Variants in ADCY10 observed in about 807,000 individuals in gnomAD.
ADCY10 encodes the protein adenylate cyclase type 10.
A neutral mutation model predicts 183.3 loss-of-function variants in ADCY10; 156 were observed. The observed-to-expected ratio is 0.85, with a 90% CI of 0.75 to 0.97. The LOEUF is 0.97. ADCY10 is among the 50% of genes least tolerant of loss of function. ADCY10 has a pLI of 0.00. For missense variants in ADCY10, 1,745 were observed against 1,934.3 expected (o/e 0.90, Z 1.84); for synonymous variants, 645 against 670.0 (o/e 0.96, Z 0.58).
In ADCY10 at chr1:167,870,350, C is replaced by T; in HGVS notation, c.1523G>A (p.Ser508Asn). ...TCCCTCATACATTAAGACTTGGCTG[C>T]TGTTAGATATCAAAAATTTCTTCAT... ...YTMKKFLISN[S>N]SQVLMYEGLP... Residue 508 changes from serine (S) to asparagine (N), a missense_variant, in exon 14 of 33, where the codon AGC (serine) becomes AAC (asparagine). By Grantham distance (46) the Ser-to-Asn change is conservative. Coordinates refer to ENST00000367851, the MANE Select transcript of ADCY10 (RefSeq NM_018417.6). 1.2e-6 allele frequency: 2 copies of T among 1,613,570 alleles called. No homozygotes were observed. The highest frequency in any genetic ancestry group is 1.7e-6 in the Non-Finnish European group (2 of 1,179,614).
intron 16 of ADCY10, among the ~76,000 whole-genome samples, chr1:167,859,493 T>C (rs886902025): frequency 2.2e-4 from 33 of 152,316 alleles, no homozygotes; most frequent in South Asian, 6.2e-4. Context: ...CAAACCTCAG[T>C]GGTCTGACGA....
Position 167,913,975 on chromosome 1 carries a change from C to G in ADCY10, c.-59+1G>C, listed in dbSNP as rs909356933. 1 of 152,368 alleles carries G rather than the reference C, an allele frequency of 6.6e-6. No homozygotes were observed. The highest frequency in any genetic ancestry group is 1.5e-5 in the Non-Finnish European group (1 of 68,156). The allele number at this position is 152,368 out of a possible 1,614,324, so 9.4% of individuals were successfully genotyped here. A position where few individuals can be genotyped will look rare whatever the true frequency, so the allele number is the denominator to read the frequency against. ...CTGCTGAGACTCTTACTTCCACATA[C>G]CTCCACTTCATCCAGGGCTGAGGAA... On this transcript the variant is annotated splice_donor_variant, in intron 1 of 32. Transcript: ENST00000367851. LOFTEE classifies it low-confidence loss of function (5UTR_SPLICE).
chr1:167,878,539 G>A lies in ADCY10; in HGVS notation c.1313C>T (p.Pro438Leu), dbSNP rs970310016. 1.2e-6 allele frequency: 2 copies of A among 1,614,144 alleles called. No homozygotes were observed. The highest frequency in any genetic ancestry group is 1.7e-6 in the Non-Finnish European group (2 of 1,180,032). ...DSVTYNGSNL[P>L]AYFFKELPKK... ...TGGAAGCTCTTTAAAAAAGTACGCT[G>A]GTAGGTTGCTCCCATTGTAGGTGAC... The change falls in exon 12 of 33, where the codon CCA (proline) becomes CTA (leucine). Residue 438 changes from proline to leucine, a missense_variant. Physicochemically the swap from Pro to Leu is moderately conservative, Grantham distance 98. Coordinates refer to ENST00000367851, the MANE Select transcript of ADCY10 (RefSeq NM_018417.6).
Position 167,859,800 on chromosome 1 carries a change from C to T in ADCY10, c.1896+7G>A. On this transcript the variant is annotated splice_region_variant and intron_variant, in intron 16 of 32. Transcript: ENST00000367851. ...CCCCCTACTTCTTGACCCACAGATG[C>T]TCTTACCAGCTTCAAGATCTTCATA... 2 of 1,609,286 alleles carry T rather than the reference C, an allele frequency of 1.2e-6. No individual in the cohort carries two copies. Among genetic ancestry groups the T allele is most frequent in the Non-Finnish European group, 1.7e-6 (2 of 1,175,618 alleles).
chr1:167,878,712 C>A, intron 11 of ADCY10, 77 bp from the exon 12 acceptor site: 1 of 1,447,184 alleles, frequency 6.9e-7, no homozygotes, highest in African/African-American at 1.4e-5. Flanking sequence ...ACATTGTCCC[C>A]AAATAGCATT....
In ADCY10 at chr1:167,903,909, G is replaced by C; in HGVS notation, c.231C>G (p.Tyr77Ter). The change falls in exon 3 of 33, where the codon TAC becomes TAG. Residue 77 changes from tyrosine to a stop codon, truncating the protein, a stop_gained. Coordinates refer to ENST00000367851, the MANE Select transcript of ADCY10 (RefSeq NM_018417.6). LOFTEE classifies it high-confidence loss of function. ...TACTCTCCACTATTGCACTTATGTG[G>C]TAGTTGAGGATCTCCACCAACTGCT... is the stretch of plus-strand genomic sequence containing the variant. Reference protein sequence around the residue: ...GAEQLVEILNYHISAIVEKVL... With the variant: ...GAEQLVEILN The C allele has an allele frequency of 6.2e-7, 1 of 1,612,692 alleles. No individual in the cohort carries two copies. Among genetic ancestry groups the C allele is most frequent in the East Asian group, 2.2e-5 (1 of 44,872 alleles).
At chr1:167,815,907 C>T (rs970801349) in intron 31 of ADCY10, among the ~76,000 whole-genome samples, 11 of 151,838 alleles carry the variant, frequency 7.2e-5, no homozygotes, top group African/African-American at 2.2e-4. Context: ...GTAGACAGGA[C>T]CCCGCTGAGG....
At chr1:167,810,989 T>C (rs1401976727) in intron 31 of ADCY10, 76 bp from the exon 32 acceptor site, 14 of 1,366,252 alleles carry the variant, frequency 1.0e-5, no homozygotes, top group Non-Finnish European at 1.3e-5. Flanking sequence ...CCTTCACAGA[T>C]GATTTGGGAA....
intron 25 of ADCY10, among the ~76,000 whole-genome samples, chr1:167,832,018 C>A (rs1352423845): frequency 6.6e-6 from 1 of 152,132 alleles, no homozygotes; most frequent in Non-Finnish European, 1.5e-5. Context: ...CATTACATTT[C>A]CTTTTCACCT....
At chr1:167,874,869 A>G (rs1370819717) in intron 13 of ADCY10, among the ~76,000 whole-genome samples, 2 of 152,258 alleles carry the variant, frequency 1.3e-5, no homozygotes, top group Non-Finnish European at 1.5e-5. Context: ...TATAAGCCGT[A>G]TATAATTATA....
intron 30 of ADCY10, chr1:167,820,159 C>A: frequency 6.5e-6 from 10 of 1,544,174 alleles, no homozygotes; most frequent in Middle Eastern, 2.2e-4. Context: ...TTTCCTGCCC[C>A]GCAGATTCCC....
intron 32 of ADCY10, among the ~76,000 whole-genome samples, chr1:167,810,275 C>T (rs745411978): frequency 6.6e-6 from 1 of 152,160 alleles, no homozygotes; most frequent in African/African-American, 2.4e-5. Flanking sequence ...ATGGACATGT[C>T]ACCCTTTCTG....
intron 1 of ADCY10, among the ~76,000 whole-genome samples, chr1:167,908,323 C>G (rs553488440): frequency 1.3e-5 from 2 of 152,052 alleles, no homozygotes; most frequent in Non-Finnish European, 2.9e-5. Context: ...AAATATTGAA[C>G]GATCTCACTT....
In ADCY10 at chr1:167,824,626, C is replaced by T. The variant is rs745338146; in HGVS notation, c.3955+25G>A. 4.3e-6 allele frequency: 7 copies of T among 1,614,070 alleles called. No individual in the cohort carries two copies. In the Admixed American group the frequency reaches 8.3e-5, roughly 19 times the overall value. On this transcript the variant is annotated intron_variant, in intron 27 of 32. Coordinates refer to ENST00000367851, the MANE Select transcript of ADCY10 (RefSeq NM_018417.6). ...TGGGGCATTCCTTGTATCCTCATGT[C>T]CCATCTTGCCCAGCCAGCCCTTACC...
intron 18 of ADCY10, among the ~76,000 whole-genome samples, chr1:167,849,072 G>T (rs896378770): frequency 6.6e-6 from 1 of 151,940 alleles, no homozygotes; most frequent in Non-Finnish European, 1.5e-5. Context: ...AGGATATAAG[G>T]CTTTACAAAC....
In ADCY10 at chr1:167,856,672, C is replaced by T. The variant is rs562552381; in HGVS notation, c.1897-233G>A. ...GGAATGGACTCTTACTTGGTCAAAGCTTTGTGTAAAGATAGTGCAAATTTG... is the reference window on the plus strand; with the variant it reads ...GGAATGGACTCTTACTTGGTCAAAGTTTTGTGTAAAGATAGTGCAAATTTG... On this transcript the variant is annotated intron_variant, in intron 16 of 32. Coordinates refer to ENST00000367851, the MANE Select transcript of ADCY10 (RefSeq NM_018417.6). Among the ~76,000 whole-genome samples, 50 of 152,244 alleles carry T rather than the reference C, an allele frequency of 3.3e-4. No individual in the cohort carries two copies. In the Middle Eastern group the frequency reaches 0.014, roughly 41 times the overall value.
At chr1:167,856,522 A>T in intron 16 of ADCY10, 83 bp from the exon 17 acceptor site, 4 of 1,401,032 alleles carry the variant, frequency 2.9e-6, no homozygotes, top group Non-Finnish European at 4.0e-6. Flanking sequence ...ATATGTATCC[A>T]TTGAGCTTCC....
intron 12 of ADCY10, among the ~76,000 whole-genome samples, chr1:167,876,329 A>G (rs1182443859): frequency 6.6e-6 from 1 of 152,050 alleles, no homozygotes; most frequent in Non-Finnish European, 1.5e-5. Context: ...CAAAGAGTTT[A>G]ATTGCCCAAG....
intron 22 of ADCY10, 149 bp downstream of exon 22, chr1:167,837,100 T>C: frequency 1.4e-6 from 1 of 717,380 alleles, no homozygotes; most frequent in East Asian, 2.6e-5. Flanking sequence ...TGGATACTAC[T>C]GACTAAACTC....
Sources: allele counts gnomAD v4.1 joint callset (sites outside exome capture counted in the v4.1 genomes callset), GRCh38; gene constraint gnomAD v4.1.1; transcripts MANE v1.5; gene names NCBI Gene and HGNC (gene_info 2026-07-23, HGNC 2026-07-21).